ESRRG: variants seen among roughly 807,000 people sequenced by gnomAD.
ESRRG encodes the protein estrogen-related receptor gamma.
ESRRG carries 13 observed loss-of-function variants against 44.0 expected under a neutral mutation model. The observed-to-expected ratio is 0.30, with a 90% CI of 0.19 to 0.47. ESRRG has a LOEUF of 0.47. Among genes scored for constraint, ESRRG ranks in the 20% least tolerant of loss-of-function variants. ESRRG has a pLI of 1.00. For synonymous variants in ESRRG, 215 were observed against 214.6 expected, an observed-to-expected ratio of 1.00 and a Z score of -0.02; for missense variants, 395 against 580.6, an observed-to-expected ratio of 0.68 and a Z score of 3.29.
intron 1 of ESRRG, among the ~76,000 whole-genome samples, chr1:217,032,188 A>T (rs2082174108): frequency 6.6e-6 from 1 of 152,188 alleles, no homozygotes; most frequent in African/African-American, 2.4e-5. Context: ...TTAACAAGCT[A>T]CCTGTTGAAT....
At chr1:216,994,352 G>C (rs989296325) in intron 1 of ESRRG, among the ~76,000 whole-genome samples, 1 of 152,078 alleles carries the variant, frequency 6.6e-6, no homozygotes, top group Non-Finnish European at 1.5e-5. Context: ...CCATCATCTT[G>C]GAGGCATTAA....
rs192341609 is a variant in ESRRG at position 217,051,355 on chromosome 1, G to T, written c.-106+38152C>A. ...ACTTCTAAAAGGTGAATCAGTTAAC[G>T]CTTACAATGACTGACTCTGTCCTAC... On this transcript the variant is annotated intron_variant, in intron 1 of 7. Coordinates refer to the ESRRG transcript ENST00000359162. Among the ~76,000 whole-genome samples, 6 of 152,194 alleles carry T rather than the reference G, an allele frequency of 3.9e-5. No individual in the cohort carries two copies. In the East Asian group the frequency reaches 1.2e-3, roughly 29 times the overall value.
At chr1:216,692,917 G>A (rs572025661) in intron 1 of ESRRG, among the ~76,000 whole-genome samples, 2 of 152,298 alleles carry the variant, frequency 1.3e-5, no homozygotes, top group African/African-American at 4.8e-5. Flanking sequence ...CTAGGTTGGT[G>A]TAAATACACT....
chr1:216,837,182 G>C (rs1002296802), intron 2 of ESRRG, among the ~76,000 whole-genome samples: 1 of 151,832 alleles, frequency 6.6e-6, no homozygotes, highest in African/African-American at 2.4e-5. Context: ...GGCCGAGGCG[G>C]GCAGATCACG....
chr1:216,820,574 A>T (rs1231223522), intron 2 of ESRRG, among the ~76,000 whole-genome samples: 1 of 152,180 alleles, frequency 6.6e-6, no homozygotes, highest in Non-Finnish European at 1.5e-5. Flanking sequence ...TCATTCAAAA[A>T]TTCAGGAGTG....
intron 3 of ESRRG, among the ~76,000 whole-genome samples, chr1:216,614,380 G>C (rs1286296623): frequency 2.0e-5 from 3 of 151,600 alleles, no homozygotes; most frequent in Non-Finnish European, 4.4e-5. Context: ...GATTGTACTA[G>C]AGTCAAGTCC....
intron 1 of ESRRG, among the ~76,000 whole-genome samples, chr1:216,965,819 T>C (rs1054393300): frequency 9.2e-5 from 14 of 152,318 alleles, no homozygotes; most frequent in African/African-American, 3.1e-4. Context: ...TCTTGTCATG[T>C]TGCCATGGTC....
At chr1:216,715,115 A>C (rs1461308765) in intron 1 of ESRRG, 1 of 985,320 alleles carries the variant, frequency 1.0e-6, no homozygotes, top group African/African-American at 1.7e-5. Flanking sequence ...CAAGAACAGA[A>C]TGAGCCTTCC....
At chr1:216,555,665 C>T (rs1299709588) in intron 5 of ESRRG, among the ~76,000 whole-genome samples, 1 of 152,080 alleles carries the variant, frequency 6.6e-6, no homozygotes, top group Admixed American at 6.6e-5. Flanking sequence ...CTCCAGCTGC[C>T]ACACAATTTA....
chr1:216,876,308 A>C (rs2096351519), intron 2 of ESRRG, among the ~76,000 whole-genome samples: 1 of 152,202 alleles, frequency 6.6e-6, no homozygotes, highest in African/African-American at 2.4e-5. Context: ...TTTAAATAAC[A>C]AATAGTCACA....
chr1:216,549,139 C>T (rs902699281), intron 5 of ESRRG, among the ~76,000 whole-genome samples: 1 of 151,958 alleles, frequency 6.6e-6, no homozygotes, highest in Non-Finnish European at 1.5e-5. Flanking sequence ...TCTTCACATG[C>T]TATTTAGCAA....
intron 2 of ESRRG, among the ~76,000 whole-genome samples, chr1:216,669,967 C>T (rs1283276384): frequency 6.6e-6 from 1 of 152,080 alleles, no homozygotes; most frequent in Non-Finnish European, 1.5e-5. Context: ...TTTAATTTAA[C>T]ACTGCATTCA....
intron 1 of ESRRG, among the ~76,000 whole-genome samples, chr1:216,687,051 G>GTC (rs1559225007): frequency 7.4e-6 from 1 of 134,872 alleles, no homozygotes; most frequent in East Asian, 2.1e-4. Flanking sequence ...GTGTGTCTGT[G>GTC]TGTGTGTGTG....
intron 1 of ESRRG, among the ~76,000 whole-genome samples, chr1:217,052,096 AG>A (rs2086160579): frequency 6.6e-6 from 1 of 152,200 alleles, no homozygotes; most frequent in South Asian, 2.1e-4. Context: ...AAATACAGAA[AG>A]GTTCTGTGAA....
intron 4 of ESRRG, 144 bp from the exon 5 acceptor site, chr1:216,564,524 T>C: frequency 3.9e-6 from 2 of 512,644 alleles, no homozygotes; most frequent in South Asian, 5.2e-5. Context: ...AATAGGTATA[T>C]ATTAAACGGT....
chr1:217,105,170 C>T (rs2092573129), intron 1 of ESRRG, among the ~76,000 whole-genome samples: 1 of 152,182 alleles, frequency 6.6e-6, no homozygotes, highest in African/African-American at 2.4e-5. Context: ...GATCACCCTT[C>T]CTTTGGCCTT....
intron 6 of ESRRG, among the ~76,000 whole-genome samples, chr1:216,509,020 CA>C (rs1282825652): frequency 3.3e-5 from 5 of 152,186 alleles, no homozygotes; most frequent in Non-Finnish European, 5.9e-5. Context: ...CCAACTAGAC[CA>C]AAAACACACC....
intron 3 of ESRRG, among the ~76,000 whole-genome samples, chr1:216,645,405 T>C (rs1331925753): frequency 6.6e-6 from 1 of 152,140 alleles, no homozygotes; most frequent in Non-Finnish European, 1.5e-5. Context: ...ATAATGTTTC[T>C]ATAGGCATTA....
upstream of ESRRG, among the ~76,000 whole-genome samples, chr1:216,725,099 T>G (rs2087222714): frequency 1.3e-5 from 2 of 152,166 alleles, no homozygotes; most frequent in African/African-American, 4.8e-5. Context: ...AGCAGCCACA[T>G]TAAAATTCAG....
Sources: gnomAD v4.1 joint callset for allele counts (sites outside exome capture counted in the v4.1 genomes callset) on GRCh38, gnomAD v4.1.1 for gene constraint, MANE v1.5 for transcripts, NCBI Gene and HGNC (gene_info 2026-07-23, HGNC 2026-07-21) for gene names.